CCDC102B: variants seen among roughly 807,000 people sequenced by gnomAD.
CCDC102B encodes coiled-coil domain-containing protein 102B.
In CCDC102B, 75 loss-of-function variants were observed where a neutral mutation model predicts 57.4. The ratio of observed to expected loss-of-function variants is 1.31; its 90% CI spans 1.08 to 1.58. CCDC102B has a LOEUF of 1.58. Among genes scored for constraint, CCDC102B ranks in the 40% most tolerant of loss-of-function variants. The probability of loss-of-function intolerance (pLI) is 0.00; values close to 1 mark genes in which losing one functional copy is unlikely to be tolerated. For missense variants in CCDC102B, 636 were observed against 582.6 expected (o/e 1.09, Z -0.94); for synonymous variants, 206 against 201.9 (o/e 1.02, Z -0.17).
In CCDC102B at chr18:68,819,219, G is replaced by T. The variant is rs550205246; in HGVS notation, c.-15-17530G>T. On this transcript the variant is annotated intron_variant, in intron 1 of 7. Transcript: ENST00000360242. ...ATGATTTTTCTTAGATGACTTCTAG[G>T]AGGTTTATAGTTTTGTTTTACACTT... Among the ~76,000 whole-genome samples, 3 of 152,176 alleles carry T rather than the reference G, an allele frequency of 2.0e-5. No homozygotes were observed. The South Asian group carries it at 6.2e-4, about 32-fold the overall frequency.
intron 7 of CCDC102B, among the ~76,000 whole-genome samples, chr18:69,027,384 T>C (rs1217269354): frequency 6.6e-6 from 1 of 152,188 alleles, no homozygotes; most frequent in Non-Finnish European, 1.5e-5. Context: ...ACTCTCTTGA[T>C]TGGCATAAGG....
chr18:68,940,297 T>C (rs2049343520), intron 6 of CCDC102B, among the ~76,000 whole-genome samples: 1 of 151,868 alleles, frequency 6.6e-6, no homozygotes, highest in Non-Finnish European at 1.5e-5. Flanking sequence ...TATGTATCTC[T>C]TAGAAATGTG....
chr18:68,749,027 T>C (rs1431687455), intron 2 of CCDC102B, among the ~76,000 whole-genome samples: 1 of 152,212 alleles, frequency 6.6e-6, no homozygotes, highest in Non-Finnish European at 1.5e-5. Flanking sequence ...ATTTATTAAA[T>C]AGGGAATCTT....
intron 6 of CCDC102B, among the ~76,000 whole-genome samples, chr18:68,981,954 T>G (rs951272991): frequency 4.6e-5 from 7 of 151,880 alleles, no homozygotes; most frequent in Non-Finnish European, 8.8e-5. Context: ...TATTCCATGT[T>G]GTACTTAAAG....
At chr18:68,785,204 C>T (rs1225906653) in intron 2 of CCDC102B, among the ~76,000 whole-genome samples, 1 of 151,960 alleles carries the variant, frequency 6.6e-6, no homozygotes, top group African/African-American at 2.4e-5. Context: ...ATATGTGCCA[C>T]ATTTTCTTAA....
At chr18:69,021,106 ACT>A (rs1188008221) in intron 7 of CCDC102B, among the ~76,000 whole-genome samples, 1 of 152,196 alleles carries the variant, frequency 6.6e-6, no homozygotes, top group Non-Finnish European at 1.5e-5. Flanking sequence ...ATTTTTCAAA[ACT>A]CTGATATCAT....
chr18:69,025,403 A>G (rs571955073), intron 7 of CCDC102B, among the ~76,000 whole-genome samples: 5 of 152,334 alleles, frequency 3.3e-5, no homozygotes, highest in Non-Finnish European at 5.9e-5. Context: ...TGGCACCTAT[A>G]TTCATGCCAA....
At chr18:68,972,823 C>T (rs756827736) in intron 6 of CCDC102B, among the ~76,000 whole-genome samples, 2 of 152,042 alleles carry the variant, frequency 1.3e-5, no homozygotes, top group Non-Finnish European at 2.9e-5. Flanking sequence ...TATCTTTCTC[C>T]TTCATCTAAT....
intron 6 of CCDC102B, chr18:68,907,952 A>G (rs890636501): frequency 6.6e-6 from 1 of 152,010 alleles, no homozygotes; most frequent in African/African-American, 2.4e-5. Flanking sequence ...TGTTGAGAAA[A>G]ATTTTCAACT....
At chr18:68,764,104 G>A (rs2034346495) in intron 2 of CCDC102B, among the ~76,000 whole-genome samples, 1 of 152,026 alleles carries the variant, frequency 6.6e-6, no homozygotes, top group South Asian at 2.1e-4. Flanking sequence ...CAAAAGCCAA[G>A]GATCTTAAGT....
At chr18:68,753,100 T>A (rs1051368787) in intron 2 of CCDC102B, 1 of 152,184 alleles carries the variant, frequency 6.6e-6, no homozygotes, top group East Asian at 1.9e-4. Flanking sequence ...GTCTAGTATG[T>A]TTATCTTATA....
intron 6 of CCDC102B, among the ~76,000 whole-genome samples, chr18:68,969,713 C>T (rs1478252039): frequency 6.6e-6 from 1 of 151,574 alleles, no homozygotes; most frequent in African/African-American, 2.4e-5. Context: ...TATTTTTTCT[C>T]CAATTTCATA....
intron 2 of CCDC102B, among the ~76,000 whole-genome samples, chr18:68,775,087 T>C (rs2034767006): frequency 6.6e-6 from 1 of 151,354 alleles, no homozygotes; most frequent in African/African-American, 2.4e-5. Flanking sequence ...TAGTCACATA[T>C]AGAAATATCC....
At chr18:68,835,950 C>T (rs2033033650) in intron 1 of CCDC102B, among the ~76,000 whole-genome samples, 1 of 152,138 alleles carries the variant, frequency 6.6e-6, no homozygotes, top group Admixed American at 6.5e-5. Flanking sequence ...CAATAGTCAA[C>T]AGATGAAGGG....
intron 5 of CCDC102B, among the ~76,000 whole-genome samples, chr18:68,881,252 A>G (rs1288843074): frequency 6.6e-6 from 1 of 152,240 alleles, no homozygotes; most frequent in African/African-American, 2.4e-5. Context: ...ACTGAAATTA[A>G]TGGAAGATGC....
intron 7 of CCDC102B, among the ~76,000 whole-genome samples, chr18:69,048,867 A>G (rs1471424703): frequency 6.6e-6 from 1 of 152,062 alleles, no homozygotes; most frequent in Non-Finnish European, 1.5e-5. Flanking sequence ...TTGACTTTGT[A>G]TAGAGGAGGA....
At chr18:68,905,796 T>A (rs1387450072) in intron 6 of CCDC102B, among the ~76,000 whole-genome samples, 89 of 129,594 alleles carry the variant, frequency 6.9e-4, no homozygotes, top group Non-Finnish European at 1.1e-3. Flanking sequence ...TTTTTTTTTT[T>A]TTTTTTTTTT....
intron 6 of CCDC102B, among the ~76,000 whole-genome samples, chr18:68,902,809 T>C (rs1045923717): frequency 6.6e-6 from 1 of 152,240 alleles, no homozygotes. Context: ...ATAGATCATA[T>C]AGCTGTTGCA....
At chr18:68,942,960 T>C (rs2049425805) in intron 6 of CCDC102B, among the ~76,000 whole-genome samples, 1 of 124,078 alleles carries the variant, frequency 8.1e-6, no homozygotes, top group African/African-American at 2.7e-5. Flanking sequence ...TTTGTGTTCC[T>C]GGGTACTTGA....
Sources: allele counts gnomAD v4.1 joint callset (sites outside exome capture counted in the v4.1 genomes callset), GRCh38; gene constraint gnomAD v4.1.1; transcripts MANE v1.5; gene names NCBI Gene and HGNC (gene_info 2026-07-23, HGNC 2026-07-21).